The following TBC1D1 variants were observed in gnomAD, a reference collection of about 807,000 sequenced individuals.
The protein encoded by TBC1D1 is TBC1 (tre-2/USP6, BUB2, cdc16) domain family, member 1.
TBC1D1 carries 89 observed loss-of-function variants against 125.6 expected under a neutral mutation model. That is an observed-to-expected ratio of 0.71 (90% CI 0.60 to 0.85). The LOEUF (loss-of-function observed/expected upper bound fraction) is 0.85. Among genes scored for constraint, TBC1D1 ranks in the 40% least tolerant of loss-of-function variants. The probability of loss-of-function intolerance (pLI) is 0.00; values close to 1 mark genes in which losing one functional copy is unlikely to be tolerated. For missense variants in TBC1D1, 1,377 were observed against 1,469.2 expected, an observed-to-expected ratio of 0.94 and a Z score of 1.03; for synonymous variants, 565 against 564.1, an observed-to-expected ratio of 1.00 and a Z score of -0.02.
intron 8 of TBC1D1, among the ~76,000 whole-genome samples, chr4:38,037,387 A>C (rs28478131): frequency 0.37 from 55,480 of 151,306 alleles, 10,839 homozygotes; most frequent in East Asian, 0.56. Context: ...AACATCATGA[A>C]CCAGACGGCT....
intron 12 of TBC1D1, among the ~76,000 whole-genome samples, chr4:38,065,808 G>T (rs1753628379): frequency 6.6e-6 from 1 of 152,048 alleles, no homozygotes; most frequent in South Asian, 2.1e-4. Context: ...ACCAGACCCA[G>T]CTAATTTTTT....
At position 38,137,499 on chromosome 4, in the gene TBC1D1, G is replaced by C; in HGVS notation, c.*164G>C. The C allele has an allele frequency of 9.8e-7, 1 of 1,022,342 alleles. No homozygotes were observed. The highest frequency in any genetic ancestry group is 1.3e-6 in the Non-Finnish European group (1 of 777,256). The allele number at this position is 1,022,342 out of a possible 1,614,324, so 63.3% of individuals were successfully genotyped here. A position where few individuals can be genotyped will look rare whatever the true frequency, so the allele number is the denominator to read the frequency against. ...TTACGAACTCCAACTTGCAATTCAG[G>C]GGGCATGTCCCAGTGTTTTTTTTGT... On this transcript the variant is annotated 3_prime_UTR_variant, in exon 20 of 20. Coordinates refer to ENST00000261439, the MANE Select transcript of TBC1D1 (RefSeq NM_015173.4).
At chr4:38,080,604 C>G (rs947278731) in intron 12 of TBC1D1, among the ~76,000 whole-genome samples, 3 of 152,232 alleles carry the variant, frequency 2.0e-5, no homozygotes, top group African/African-American at 7.2e-5. Context: ...GACTGCCCCG[C>G]ATCTCCTTCC....
At chr4:37,992,605 C>T (rs1407837213) in intron 2 of TBC1D1, among the ~76,000 whole-genome samples, 1 of 150,684 alleles carries the variant, frequency 6.6e-6, no homozygotes, top group East Asian at 2.0e-4. Context: ...CGCCATTCTC[C>T]TGCCTCAGCC....
intron 2 of TBC1D1, among the ~76,000 whole-genome samples, chr4:37,969,446 G>T (rs998911016): frequency 1.3e-5 from 2 of 152,324 alleles, no homozygotes; most frequent in Non-Finnish European, 2.9e-5. Flanking sequence ...GGGTTCAAGT[G>T]ATTTTCCTGC....
At chr4:38,023,227 A>G (rs1744403156) in intron 6 of TBC1D1, among the ~76,000 whole-genome samples, 1 of 149,828 alleles carries the variant, frequency 6.7e-6, no homozygotes, top group Non-Finnish European at 1.5e-5. Flanking sequence ...AGCCTGGGCA[A>G]CAGAGCGAGA....
chr4:37,997,823 A>G (rs1189775664), intron 2 of TBC1D1, among the ~76,000 whole-genome samples: 3 of 152,018 alleles, frequency 2.0e-5, no homozygotes, highest in African/African-American at 7.3e-5. Flanking sequence ...ATGCCAGAGT[A>G]GACTGAGGGT....
chr4:38,036,298 T>A (rs984035774), intron 8 of TBC1D1, among the ~76,000 whole-genome samples: 1 of 152,196 alleles, frequency 6.6e-6, no homozygotes, highest in Non-Finnish European at 1.5e-5. Flanking sequence ...GATCTCTCCC[T>A]TGGAAGATCT....
chr4:37,893,529 G>A (rs1443026582), intron 1 of TBC1D1, among the ~76,000 whole-genome samples: 1 of 152,228 alleles, frequency 6.6e-6, no homozygotes, highest in East Asian at 1.9e-4. Context: ...TAAAATGACT[G>A]AGTCCATGGC....
intron 2 of TBC1D1, among the ~76,000 whole-genome samples, chr4:37,972,225 G>A (rs1387510167): frequency 2.2e-5 from 2 of 90,422 alleles, no homozygotes; most frequent in Admixed American, 2.6e-4. Context: ...GTTCATGCCT[G>A]TCATCTCGCA....
At chr4:37,960,845 A>C in intron 2 of TBC1D1, 1 of 1,614,182 alleles carries the variant, frequency 6.2e-7, no homozygotes, top group Non-Finnish European at 8.5e-7. Context: ...GCCAGATTGC[A>C]CACCTCCCCT....
In TBC1D1 at chr4:38,115,831, C is replaced by T; in HGVS notation, c.2679C>T (p.Leu893=). Residue 893 remains leucine, a synonymous_variant, in exon 16 of 20, where the codon CTC becomes CTT. Coordinates refer to ENST00000261439, the MANE Select transcript of TBC1D1 (RefSeq NM_015173.4). ...AGGAAGTGGGATATTGCCAAGGTCTCAGCTTTGTAGCAGGCATTTTGCTTC... is the reference window on the plus strand; with the variant it reads ...AGGAAGTGGGATATTGCCAAGGTCTTAGCTTTGTAGCAGGCATTTTGCTTC... 1 of 1,614,166 alleles carries T rather than the reference C, an allele frequency of 6.2e-7. No homozygotes were observed. Among genetic ancestry groups the T allele is most frequent in the Non-Finnish European group, 8.5e-7 (1 of 1,180,032 alleles).
At chr4:37,955,283 G>A (rs1728712552) in intron 2 of TBC1D1, among the ~76,000 whole-genome samples, 1 of 152,144 alleles carries the variant, frequency 6.6e-6, no homozygotes, top group African/African-American at 2.4e-5. Flanking sequence ...CTTAATGAGA[G>A]ATTCCCATGA....
chr4:37,969,400 T>A (rs1356353858), intron 2 of TBC1D1, among the ~76,000 whole-genome samples: 1 of 152,362 alleles, frequency 6.6e-6, no homozygotes, highest in Non-Finnish European at 1.5e-5. Flanking sequence ...TGGAGTGCAA[T>A]GGCACAATCT....
intron 2 of TBC1D1, among the ~76,000 whole-genome samples, chr4:37,908,188 A>G (rs989237621): frequency 1.3e-5 from 2 of 151,970 alleles, no homozygotes; most frequent in African/African-American, 4.8e-5. Flanking sequence ...TAAGTCAGAG[A>G]CAGTGTACAT....
chr4:37,963,016 C>G (rs1730351700), intron 2 of TBC1D1, among the ~76,000 whole-genome samples: 1 of 152,034 alleles, frequency 6.6e-6, no homozygotes, highest in African/African-American at 2.4e-5. Context: ...TTTCAGATGT[C>G]TCTTTGCATA....
intron 2 of TBC1D1, among the ~76,000 whole-genome samples, chr4:37,937,669 T>C (rs1724676461): frequency 1.3e-5 from 2 of 152,174 alleles, no homozygotes; most frequent in South Asian, 4.1e-4. Context: ...CAATTCTTAT[T>C]GTTTCATAAA....
rs1227896800 is a variant in TBC1D1 at position 37,919,694 on chromosome 4, A to C, written c.417+17182A>C. Among the ~76,000 whole-genome samples the C allele has an allele frequency of 2.6e-5, 4 of 152,222 alleles. No homozygotes were observed. In the East Asian group the frequency reaches 7.7e-4, roughly 29 times the overall value. On this transcript the variant is annotated intron_variant, in intron 2 of 19. Transcript: ENST00000261439. ...AGCTTCCTCCTCTTTTGACACTATC[A>C]ATGCTAAGTGATCACATTAAATAAT...
intron 15 of TBC1D1, among the ~76,000 whole-genome samples, chr4:38,106,082 C>T (rs1447441147): frequency 1.3e-5 from 2 of 152,174 alleles, no homozygotes; most frequent in African/African-American, 4.8e-5. Context: ...TTATAGGATA[C>T]AGCCCTCTGC....
Sources: gnomAD v4.1 joint callset for allele counts (sites outside exome capture counted in the v4.1 genomes callset) on GRCh38, gnomAD v4.1.1 for gene constraint, MANE v1.5 for transcripts, NCBI Gene and HGNC (gene_info 2026-07-23, HGNC 2026-07-21) for gene names.